ATRN: variants seen among roughly 807,000 people sequenced by gnomAD.
ATRN encodes attractin, also known as attractin-2.
Under a neutral mutation model 178.7 loss-of-function variants are expected in ATRN, and 54 were observed. The observed-to-expected ratio is 0.30, with a 90% CI of 0.24 to 0.38. The LOEUF (loss-of-function observed/expected upper bound fraction) is 0.38, where lower values mean the gene tolerates loss of function less well. ATRN is among the 10% of genes least tolerant of loss of function. The pLI, the probability that ATRN is intolerant of heterozygous loss-of-function variation, is 1.00. For missense variants in ATRN, 1,443 were observed against 1,815.1 expected, an observed-to-expected ratio of 0.79 and a Z score of 3.73; for synonymous variants, 636 against 663.0, an observed-to-expected ratio of 0.96 and a Z score of 0.63.
intron 1 of ATRN, among the ~76,000 whole-genome samples, chr20:3,486,196 C>T (rs1202101245): frequency 6.6e-6 from 1 of 151,712 alleles, no homozygotes; most frequent in Non-Finnish European, 1.5e-5. Context: ...TTCAAATAAA[C>T]AAAAATGGAA....
intron 27 of ATRN, among the ~76,000 whole-genome samples, chr20:3,642,147 G>A (rs1044547159): frequency 1.3e-5 from 2 of 152,160 alleles, no homozygotes; most frequent in African/African-American, 4.8e-5. Context: ...TTTTGACAGT[G>A]GTGTGCGTCA....
At chr20:3,575,038 A>G (rs1283114194) in intron 12 of ATRN, among the ~76,000 whole-genome samples, 1 of 150,994 alleles carries the variant, frequency 6.6e-6, no homozygotes, top group South Asian at 2.1e-4. Flanking sequence ...GCTCACTGCA[A>G]CCTCCGCCTC....
intron 1 of ATRN, among the ~76,000 whole-genome samples, chr20:3,492,835 G>GGA (rs548451784): frequency 0.03 from 4,011 of 132,420 alleles, 66 homozygotes; most frequent in Non-Finnish European, 0.045. Flanking sequence ...AAATAGAAAG[G>GGA]GAGAGAGAGA....
intron 24 of ATRN, among the ~76,000 whole-genome samples, chr20:3,613,976 A>C (rs373347126): frequency 6.6e-6 from 1 of 152,190 alleles, no homozygotes; most frequent in Non-Finnish European, 1.5e-5. Context: ...TACTAAACTC[A>C]AGTTCCTTCA....
intron 26 of ATRN, among the ~76,000 whole-genome samples, chr20:3,636,670 A>G (rs934289120): frequency 2.0e-5 from 3 of 152,160 alleles, no homozygotes; most frequent in Admixed American, 2.0e-4. Flanking sequence ...AACCTATGAA[A>G]TAGGTATTGT....
In ATRN at chr20:3,528,435, C is replaced by T. The variant is rs558847783; in HGVS notation, c.411-6818C>T. 2.1e-4 allele frequency among the ~76,000 whole-genome samples: 32 copies of T among 152,086 alleles called. No individual in the cohort carries two copies. The South Asian group carries it at 6.5e-3, about 31-fold the overall frequency. On this transcript the variant is annotated intron_variant, in intron 1 of 28. Transcript: ENST00000262919. ...CCTGTAAAAATGAATGCAGTTGTGTCCTTTGAGCAGCATGGATGCAGGGAG... is the reference window on the plus strand; with the variant it reads ...CCTGTAAAAATGAATGCAGTTGTGTTCTTTGAGCAGCATGGATGCAGGGAG...
intron 26 of ATRN, among the ~76,000 whole-genome samples, chr20:3,635,732 CTTG>C (rs1412543920): frequency 6.6e-6 from 1 of 152,124 alleles, no homozygotes; most frequent in Non-Finnish European, 1.5e-5. Context: ...ATATGGGCCT[CTTG>C]TTGTGGGCCA....
At chr20:3,617,270 AAGGG>A (rs1423653496) in intron 24 of ATRN, among the ~76,000 whole-genome samples, 1 of 152,160 alleles carries the variant, frequency 6.6e-6, no homozygotes, top group East Asian at 1.9e-4. Flanking sequence ...GATAGAAGAA[AAGGG>A]AGGGCTGAGG....
At chr20:3,642,319 C>G (rs1402881779) in intron 27 of ATRN, among the ~76,000 whole-genome samples, 1 of 152,236 alleles carries the variant, frequency 6.6e-6, no homozygotes, top group Non-Finnish European at 1.5e-5. Context: ...GATATCTTAA[C>G]ATGGCCATGG....
At chr20:3,489,476 CAG>C (rs562242345) in intron 1 of ATRN, 334 of 997,702 alleles carry the variant, frequency 3.3e-4, no homozygotes, top group Middle Eastern at 1.5e-3. Context: ...ATAGAAAAAA[CAG>C]ATCTCAGGGA....
chr20:3,623,778 G>A (rs112989368), intron 24 of ATRN, among the ~76,000 whole-genome samples: 1 of 152,272 alleles, frequency 6.6e-6, no homozygotes, highest in African/African-American at 2.4e-5. Flanking sequence ...TTGGAGGTAT[G>A]CATTTTTTCG....
At chr20:3,573,852 C>T (rs2086165185) in intron 12 of ATRN, among the ~76,000 whole-genome samples, 1 of 152,056 alleles carries the variant, frequency 6.6e-6, no homozygotes, top group Non-Finnish European at 1.5e-5. Context: ...ACAACCTCCA[C>T]CTCCCAGGTT....
At chr20:3,641,092 TCA>T (rs1376497710) in intron 27 of ATRN, among the ~76,000 whole-genome samples, 3 of 152,206 alleles carry the variant, frequency 2.0e-5, no homozygotes, top group African/African-American at 7.2e-5. Context: ...GAACAGTGGT[TCA>T]CAGGGGCTGG....
chr20:3,535,588 T>TACACACACACAC lies in ATRN; in HGVS notation c.494+280_494+291dup, dbSNP rs11468707. Among the ~76,000 whole-genome samples the TACACACACACAC allele has an allele frequency of 1.7e-3, 239 of 143,204 alleles. 1 individual carries two copies. Among genetic ancestry groups the TACACACACACAC allele is most frequent in the African/African-American group, 6.0e-3 (229 of 38,404 alleles). 93.9% of individuals were successfully genotyped at this position (143,204 alleles called of 152,430 possible). ...CCAACTGTAATAGTTCAGAAACGGT[T>TACACACACACAC]ACACACACACACACACACACACACA... On this transcript the variant is annotated intron_variant, in intron 2 of 28. Coordinates refer to ENST00000262919, the MANE Select transcript of ATRN (RefSeq NM_139321.3).
At chr20:3,627,337 T>C (rs1019937673) in intron 25 of ATRN, among the ~76,000 whole-genome samples, 2 of 152,224 alleles carry the variant, frequency 1.3e-5, no homozygotes, top group Non-Finnish European at 2.9e-5. Context: ...GTGATTCCAA[T>C]GTGCAGCTAA....
intron 1 of ATRN, among the ~76,000 whole-genome samples, chr20:3,510,095 T>C (rs942191164): frequency 6.6e-5 from 10 of 152,218 alleles, no homozygotes; most frequent in African/African-American, 2.4e-4. Flanking sequence ...AGTCTTAAGG[T>C]ACAGTTTTTA....
At chr20:3,549,712 C>T (rs2085759958) in intron 6 of ATRN, among the ~76,000 whole-genome samples, 1 of 151,958 alleles carries the variant, frequency 6.6e-6, no homozygotes, top group African/African-American at 2.4e-5. Flanking sequence ...CTACTATGTC[C>T]CAGGCTTCAA....
intron 23 of ATRN, among the ~76,000 whole-genome samples, chr20:3,602,262 A>G (rs377646195): frequency 6.6e-5 from 10 of 151,894 alleles, no homozygotes; most frequent in African/African-American, 2.4e-4. Context: ...CCTTGGAGGT[A>G]GAGGTTGCTG....
intron 1 of ATRN, among the ~76,000 whole-genome samples, chr20:3,508,755 CAAT>C (rs1354075957): frequency 6.6e-6 from 1 of 152,030 alleles, no homozygotes; most frequent in African/African-American, 2.4e-5. Context: ...TAATTGTATG[CAAT>C]AATAATGTCC....
Sources: allele counts gnomAD v4.1 joint callset (sites outside exome capture counted in the v4.1 genomes callset), GRCh38; gene constraint gnomAD v4.1.1; transcripts MANE v1.5; gene names NCBI Gene and HGNC (gene_info 2026-07-23, HGNC 2026-07-21).